The following RCC1L variants were observed in gnomAD, a reference collection of about 807,000 sequenced individuals.
The protein encoded by RCC1L is RCC1-like G exchanging factor-like protein.
RCC1L carries 46 observed loss-of-function variants against 58.6 expected under a neutral mutation model. The ratio of observed to expected loss-of-function variants is 0.79; its 90% CI spans 0.62 to 1.00. The LOEUF is 1.00. RCC1L is among the 50% of genes least tolerant of loss of function. The pLI is 0.00. For synonymous variants in RCC1L, 281 were observed against 262.9 expected (o/e 1.07, Z -0.67); for missense variants, 636 against 623.6 (o/e 1.02, Z -0.21).
At chr7:75,035,401 A>G (rs897224538) in intron 10 of RCC1L, among the ~76,000 whole-genome samples, 10 of 152,214 alleles carry the variant, frequency 6.6e-5, no homozygotes, top group African/African-American at 9.6e-5. Flanking sequence ...TGCAAGGAAC[A>G]GCCCAAGTTG....
chr7:75,032,968 A>G (rs1449362107), intron 10 of RCC1L, among the ~76,000 whole-genome samples: 1 of 142,752 alleles, frequency 7.0e-6, no homozygotes, highest in African/African-American at 2.6e-5. Context: ...GCTACTTGGG[A>G]GGCTGAGGCA....
intron 10 of RCC1L, among the ~76,000 whole-genome samples, chr7:75,031,576 C>G (rs1805307786): frequency 6.6e-6 from 1 of 151,852 alleles, no homozygotes; most frequent in Admixed American, 6.6e-5. Flanking sequence ...TAGCCAGAAC[C>G]TGGTCTCATC....
In RCC1L at chr7:75,049,198, T is replaced by C. The variant is rs1006214697; in HGVS notation, c.1317+3513A>G. 3.9e-5 allele frequency among the ~76,000 whole-genome samples: 6 copies of C among 152,282 alleles called. No individual in the cohort carries two copies. In the East Asian group the frequency reaches 9.6e-4, roughly 24 times the overall value. The stretch of plus-strand genomic sequence containing the variant: ...CCCCTACGGAAGATTAATTTGAACA[T>C]AGTTGTTTTAAAGAATAAAGATCAC... On this transcript the variant is annotated intron_variant, in intron 10 of 10. Coordinates refer to ENST00000610322, the MANE Select transcript of RCC1L (RefSeq NM_030798.5).
downstream of RCC1L, among the ~76,000 whole-genome samples, chr7:75,041,294 C>T (rs1424476916): frequency 6.6e-5 from 10 of 152,048 alleles, no homozygotes; most frequent in Admixed American, 2.0e-4. Flanking sequence ...TGCTTTCTCT[C>T]AACGGCCCAC....
At chr7:75,073,194 A>G (rs1448704191) in intron 1 of RCC1L, among the ~76,000 whole-genome samples, 1 of 152,168 alleles carries the variant, frequency 6.6e-6, no homozygotes, top group Non-Finnish European at 1.5e-5. Context: ...TGCTAAGCGA[A>G]TGACACGACC....
chr7:75,059,651 T>A (rs1055520380), intron 6 of RCC1L, among the ~76,000 whole-genome samples: 33 of 152,198 alleles, frequency 2.2e-4, no homozygotes, highest in African/African-American at 6.7e-4. Flanking sequence ...GCTCAAGCAA[T>A]CCTCCTGCCT....
Position 75,073,797 on chromosome 7 carries a change from A to G in RCC1L, c.-60T>C. Reference sequence around the variant, plus strand: ...GCCATCTTGCGTGACCCTTAACACCAGTCCTCGCCGGAAGAGGCTACGGCC... The same window carrying G: ...GCCATCTTGCGTGACCCTTAACACCGGTCCTCGCCGGAAGAGGCTACGGCC... On this transcript the variant is annotated 5_prime_UTR_variant, in exon 1 of 11. Coordinates refer to ENST00000610322, the MANE Select transcript of RCC1L (RefSeq NM_030798.5). The G allele has an allele frequency of 6.7e-7, 1 of 1,499,656 alleles. No individual in the cohort carries two copies. Among genetic ancestry groups the G allele is most frequent in the South Asian group, 1.3e-5 (1 of 79,540 alleles). The allele number at this position is 1,499,656 out of a possible 1,614,324, so 92.9% of individuals were successfully genotyped here. A position where few individuals can be genotyped will look rare whatever the true frequency, so the allele number is the denominator to read the frequency against.
intron 10 of RCC1L, among the ~76,000 whole-genome samples, chr7:75,050,419 G>A (rs2131985034): frequency 6.6e-6 from 1 of 152,368 alleles, no homozygotes; most frequent in African/African-American, 2.4e-5. Flanking sequence ...CCCGCACAGG[G>A]ACCAGCGCTT....
chr7:75,043,199 A>G, intron 10 of RCC1L, 90 bp from the exon 11 acceptor site: 1 of 1,418,452 alleles, frequency 7.0e-7, no homozygotes, highest in Non-Finnish European at 9.9e-7. Flanking sequence ...CCTGCCTCTC[A>G]GTAGGAGACT....
intron 10 of RCC1L, among the ~76,000 whole-genome samples, chr7:75,036,078 G>A (rs1387069115): frequency 2.0e-5 from 3 of 151,552 alleles, no homozygotes; most frequent in African/African-American, 7.3e-5. Flanking sequence ...CCCCAGGTTT[G>A]AGGGGTAGAA....
chr7:75,060,700 G>C (rs1489170049), intron 6 of RCC1L, among the ~76,000 whole-genome samples: 1 of 152,132 alleles, frequency 6.6e-6, no homozygotes, highest in Non-Finnish European at 1.5e-5. Flanking sequence ...CAAAGTGCTG[G>C]GATTACAGGT....
chr7:75,064,133 C>T (rs983372638), intron 4 of RCC1L, among the ~76,000 whole-genome samples: 23 of 152,026 alleles, frequency 1.5e-4, no homozygotes, highest in African/African-American at 5.3e-4. Flanking sequence ...AGATGGAAAC[C>T]ATTCTGGCCA....
intron 10 of RCC1L, among the ~76,000 whole-genome samples, chr7:75,050,350 G>A (rs1554443205): frequency 6.6e-6 from 1 of 152,120 alleles, no homozygotes; most frequent in Non-Finnish European, 1.5e-5. Flanking sequence ...GGTGTGTGGC[G>A]AGCCAGGGCA....
chr7:75,062,419 G>T (rs1159639162), intron 5 of RCC1L, among the ~76,000 whole-genome samples: 1 of 152,158 alleles, frequency 6.6e-6, no homozygotes, highest in Non-Finnish European at 1.5e-5. Context: ...GCTGAGGCAA[G>T]ATCACTTGAG....
intron 10 of RCC1L, among the ~76,000 whole-genome samples, chr7:75,035,904 C>A (rs1805422270): frequency 6.6e-6 from 1 of 151,962 alleles, no homozygotes; most frequent in Non-Finnish European, 1.5e-5. Flanking sequence ...ACTTAGGAGG[C>A]TGAGACAGGA....
intron 1 of RCC1L, among the ~76,000 whole-genome samples, chr7:75,072,660 G>A (rs1214359364): frequency 2.6e-5 from 4 of 152,132 alleles, no homozygotes; most frequent in African/African-American, 9.7e-5. Context: ...GTTGGATATA[G>A]ACCAAAGATG....
intron 10 of RCC1L, among the ~76,000 whole-genome samples, chr7:75,035,249 T>C (rs1805411043): frequency 6.6e-6 from 1 of 152,144 alleles, no homozygotes; most frequent in Non-Finnish European, 1.5e-5. Context: ...CAGGCTGGTC[T>C]CGAACTCATG....
At chr7:75,036,430 C>T (rs1270637971) in intron 10 of RCC1L, among the ~76,000 whole-genome samples, 3 of 151,978 alleles carry the variant, frequency 2.0e-5, no homozygotes, top group African/African-American at 7.2e-5. Flanking sequence ...CCCAAAGTCC[C>T]TCTTATGAAC....
At chr7:75,030,661 A>G (rs963870239) in intron 10 of RCC1L, among the ~76,000 whole-genome samples, 7 of 152,138 alleles carry the variant, frequency 4.6e-5, no homozygotes, top group South Asian at 2.1e-4. Context: ...TGTCTTCACA[A>G]TATGGCGCTC....
Sources: allele counts gnomAD v4.1 joint callset (sites outside exome capture counted in the v4.1 genomes callset), GRCh38; gene constraint gnomAD v4.1.1; transcripts MANE v1.5; gene names NCBI Gene and HGNC (gene_info 2026-07-23, HGNC 2026-07-21).